The following RYR3 variants were observed in gnomAD, a reference collection of about 807,000 sequenced individuals.
RYR3 encodes brain ryanodine receptor-calcium release channel.
Under a neutral mutation model 584.3 loss-of-function variants are expected in RYR3, and 207 were observed. The observed-to-expected ratio is 0.35, with a 90% CI of 0.32 to 0.40. RYR3 has a LOEUF of 0.40. Ranked by LOEUF, RYR3 falls within the 10% of genes least tolerant of loss-of-function variation. The pLI is 1.00. For missense variants in RYR3, 5,616 were observed against 6,089.2 expected (o/e 0.92, Z 2.59); for synonymous variants, 2,416 against 2,248.5 (o/e 1.07, Z -2.11).
At chr15:33,768,539 C>T (rs2278317) in intron 60 of RYR3, 119 bp from the exon 61 acceptor site, 599,695 of 850,646 alleles carry the variant, frequency 0.7, 212,991 homozygotes, top group Admixed American at 0.81. Flanking sequence ...TAGTGCATCT[C>T]CCTAGAATGC....
At chr15:33,698,039 G>T in intron 40 of RYR3, 43 bp downstream of exon 40, 4 of 1,400,266 alleles carry the variant, frequency 2.9e-6, no homozygotes, top group Non-Finnish European at 4.1e-6. Context: ...GTCCCTTGAG[G>T]CAGGAGCACG....
chr15:33,454,927 C>A (rs551165791), intron 1 of RYR3, among the ~76,000 whole-genome samples: 16 of 152,274 alleles, frequency 1.1e-4, no homozygotes, highest in African/African-American at 3.6e-4. Flanking sequence ...ACGTTATTGG[C>A]AAACTATGGA....
At chr15:33,790,972 A>T (rs2075120912) in intron 67 of RYR3, among the ~76,000 whole-genome samples, 1 of 152,252 alleles carries the variant, frequency 6.6e-6, no homozygotes, top group Non-Finnish European at 1.5e-5. Context: ...GAGACTGGGC[A>T]TTATATTAAG....
intron 38 of RYR3, among the ~76,000 whole-genome samples, chr15:33,678,053 G>C (rs188314114): frequency 6.6e-6 from 1 of 152,186 alleles, no homozygotes; most frequent in Non-Finnish European, 1.5e-5. Flanking sequence ...GGCCATCATC[G>C]TTGGGGAAAT....
intron 1 of RYR3, among the ~76,000 whole-genome samples, chr15:33,338,465 G>A (rs1324620157): frequency 6.6e-6 from 1 of 152,168 alleles, no homozygotes; most frequent in Non-Finnish European, 1.5e-5. Context: ...CAGACAAAAC[G>A]GGGTAGGGGA....
At chr15:33,827,426 A>G in intron 85 of RYR3, 139 bp downstream of exon 85, 3 of 700,336 alleles carry the variant, frequency 4.3e-6, no homozygotes, top group East Asian at 2.7e-5. Context: ...CCACAGATGC[A>G]TGGGAAGTCC....
intron 1 of RYR3, among the ~76,000 whole-genome samples, chr15:33,382,059 A>G (rs1162770577): frequency 6.6e-6 from 1 of 152,138 alleles, no homozygotes; most frequent in African/African-American, 2.4e-5. Context: ...TAAAAAGATG[A>G]TAATTGGCCA....
At chr15:33,460,518 G>A (rs1479421373) in intron 1 of RYR3, among the ~76,000 whole-genome samples, 1 of 152,286 alleles carries the variant, frequency 6.6e-6, no homozygotes, top group East Asian at 1.9e-4. Flanking sequence ...GTATTCTGAG[G>A]ACTTAGCGAG....
At position 33,461,101 on chromosome 15, in the gene RYR3, C is replaced by T. The variant is rs111693974; in HGVS notation, c.52-12318C>T. On this transcript the variant is annotated intron_variant, in intron 1 of 103. Transcript: ENST00000634891. ...CTGTAACTACAGGCACCCGCCACCA[C>T]GCCCAGCTAATTTTTTGTATTTTTA... Among the ~76,000 whole-genome samples the T allele has an allele frequency of 4.8e-3, 724 of 151,970 alleles. 8 individuals are homozygous for T. Among genetic ancestry groups the T allele is most frequent in the African/African-American group, 0.017 (687 of 41,448 alleles).
chr15:33,380,052 G>A (rs1045864965), intron 1 of RYR3, among the ~76,000 whole-genome samples: 2 of 152,076 alleles, frequency 1.3e-5, no homozygotes, highest in Non-Finnish European at 2.9e-5. Flanking sequence ...ACTGGCAGCC[G>A]ACTGGGTGAT....
chr15:33,640,023 C>A (rs2061709786), intron 27 of RYR3, among the ~76,000 whole-genome samples: 2 of 150,870 alleles, frequency 1.3e-5, no homozygotes, highest in African/African-American at 2.4e-5. Flanking sequence ...GTCTCCTGTG[C>A]TGCCTCTCTG....
rs764702884 is a variant in RYR3 at position 33,800,856 on chromosome 15, A to G, written c.9917A>G (p.His3306Arg). ...AEVFILWCKSHNFKREEQNFV... is the reference protein window; with the variant it reads ...AEVFILWCKSRNFKREEQNFV... ...GTCTTCATTCTGTGGTGTAAATCTCATGTAAGAACACATTTGGGCCCTGGG... is the reference window on the plus strand; with the variant it reads ...GTCTTCATTCTGTGGTGTAAATCTCGTGTAAGAACACATTTGGGCCCTGGG... The change falls in exon 68 of 104, where the codon CAT (histidine) becomes CGT (arginine). Residue 3306 changes from histidine to arginine, a missense_variant and splice_region_variant. His to Arg is a conservative substitution (Grantham distance 29, BLOSUM62 0). This residue lies in a region of RYR3 where 954 missense variants were observed against 1,132.2 expected (regional missense o/e 0.84). Transcript: ENST00000634891. 49 of 1,600,774 alleles carry G rather than the reference A, an allele frequency of 3.1e-5. No individual in the cohort carries two copies. The East Asian group carries it at 1.1e-3, about 35-fold the overall frequency.
chr15:33,407,657 G>T (rs1438756478), intron 1 of RYR3, among the ~76,000 whole-genome samples: 1 of 152,180 alleles, frequency 6.6e-6, no homozygotes. Flanking sequence ...TTGTGTCATT[G>T]GATGGAGTTA....
At chr15:33,552,102 G>A (rs993093569) in intron 10 of RYR3, among the ~76,000 whole-genome samples, 1 of 152,164 alleles carries the variant, frequency 6.6e-6, no homozygotes, top group East Asian at 1.9e-4. Flanking sequence ...CAATGACCTC[G>A]AGGTCTTTAC....
rs562609554 is a variant in RYR3 at position 33,685,928 on chromosome 15, G to A, written c.5861-10290G>A. On this transcript the variant is annotated intron_variant, in intron 38 of 103. Transcript: ENST00000634891. ...AGACACAACATACCAGAATCTCTGG[G>A]ACACATTTAAAGCAGTGTGTAGAGG... 8.5e-5 allele frequency among the ~76,000 whole-genome samples: 13 copies of A among 152,302 alleles called. 2 individuals carry two copies. The South Asian group carries it at 2.7e-3, about 32-fold the overall frequency.
At chr15:33,492,861 C>A (rs936423357) in intron 2 of RYR3, among the ~76,000 whole-genome samples, 1 of 152,128 alleles carries the variant, frequency 6.6e-6, no homozygotes, top group Non-Finnish European at 1.5e-5. Flanking sequence ...TGTTCCGCTT[C>A]CTGTCATGCA....
chr15:33,504,964 G>A (rs2052341307), intron 3 of RYR3, among the ~76,000 whole-genome samples: 1 of 152,180 alleles, frequency 6.6e-6, no homozygotes, highest in Non-Finnish European at 1.5e-5. Flanking sequence ...CTGTTGCTGG[G>A]ACAACATTAG....
At chr15:33,681,794 C>T (rs2064641729) in intron 38 of RYR3, among the ~76,000 whole-genome samples, 1 of 152,188 alleles carries the variant, frequency 6.6e-6, no homozygotes. Flanking sequence ...TCCCTCTTCT[C>T]AAAGTGATTG....
chr15:33,808,482 T>C (rs1000675958), intron 70 of RYR3, among the ~76,000 whole-genome samples: 1 of 152,232 alleles, frequency 6.6e-6, no homozygotes, highest in Non-Finnish European at 1.5e-5. Flanking sequence ...ATCCACGTAA[T>C]TACACTTTTG....
Sources: gnomAD v4.1 joint callset for allele counts (sites outside exome capture counted in the v4.1 genomes callset) on GRCh38, gnomAD v4.1.1 for gene constraint, gnomAD v4.1.1 regional missense constraint, MANE v1.5 for transcripts, NCBI Gene and HGNC (gene_info 2026-07-23, HGNC 2026-07-21) for gene names.